TPH2: variants seen among roughly 807,000 people sequenced by gnomAD.
The protein encoded by TPH2 is tryptophan 5-hydroxylase 2.
A neutral mutation model predicts 59.1 loss-of-function variants in TPH2; 27 were observed. The observed-to-expected ratio is 0.46, with a 90% CI of 0.34 to 0.63. TPH2 has a LOEUF of 0.63. Among genes scored for constraint, TPH2 ranks in the 30% least tolerant of loss-of-function variants. The probability of loss-of-function intolerance (pLI) is 0.01; values close to 1 mark genes in which losing one functional copy is unlikely to be tolerated. For missense variants in TPH2, 523 were observed against 588.3 expected (o/e 0.89, Z 1.15); for synonymous variants, 220 against 210.5 (o/e 1.05, Z -0.39).
chr12:71,941,814 C>T (rs1871078115), intron 2 of TPH2, 81 bp downstream of exon 2: 2 of 1,414,040 alleles, frequency 1.4e-6, no homozygotes, highest in East Asian at 2.3e-5. Flanking sequence ...TGAAACATTA[C>T]TGAATCAATT....
chr12:72,017,290 A>G (rs1037345743), intron 8 of TPH2, among the ~76,000 whole-genome samples: 1 of 152,134 alleles, frequency 6.6e-6, no homozygotes, highest in South Asian at 2.1e-4. Context: ...CATTTTCCTA[A>G]GCACACTCAC....
At chr12:72,030,496 A>G (rs1225732544) in intron 9 of TPH2, among the ~76,000 whole-genome samples, 1 of 152,176 alleles carries the variant, frequency 6.6e-6, no homozygotes, top group Non-Finnish European at 1.5e-5. Flanking sequence ...ATAGTCATTC[A>G]TTGTTCCCTG....
intron 6 of TPH2, among the ~76,000 whole-genome samples, chr12:71,977,112 C>A (rs563345903): frequency 6.6e-6 from 1 of 152,100 alleles, no homozygotes; most frequent in South Asian, 2.1e-4. Flanking sequence ...GGTGCAGTGG[C>A]GTAAGCTCGG....
intron 5 of TPH2, among the ~76,000 whole-genome samples, chr12:71,970,348 C>T (rs148339368): frequency 2.1e-3 from 315 of 152,262 alleles, no homozygotes; most frequent in African/African-American, 7.4e-3. Flanking sequence ...CCCAAGACTG[C>T]GAGGCTGGAA....
intron 8 of TPH2, 76 bp from the exon 9 acceptor site, chr12:72,022,323 T>C (rs1426113666): frequency 1.0e-6 from 1 of 986,396 alleles, no homozygotes; most frequent in Non-Finnish European, 1.6e-6. Flanking sequence ...AGCCCACCAT[T>C]TTGTTTTGGG....
At chr12:71,941,319 G>A (rs1263324556) in intron 1 of TPH2, among the ~76,000 whole-genome samples, 4 of 152,072 alleles carry the variant, frequency 2.6e-5, no homozygotes, top group African/African-American at 9.7e-5. Flanking sequence ...TCAGGTTTTT[G>A]TTGCTATTAA....
intron 9 of TPH2, among the ~76,000 whole-genome samples, chr12:72,026,408 C>T (rs1453365847): frequency 6.6e-6 from 1 of 152,086 alleles, no homozygotes; most frequent in Non-Finnish European, 1.5e-5. Context: ...TGGCTATTCT[C>T]AGAATAGCTT....
At chr12:71,957,995 C>T (rs1482438231) in intron 5 of TPH2, among the ~76,000 whole-genome samples, 1 of 152,208 alleles carries the variant, frequency 6.6e-6, no homozygotes, top group East Asian at 1.9e-4. Flanking sequence ...TTAAACGTGT[C>T]ACTTGATTTT....
intron 8 of TPH2, among the ~76,000 whole-genome samples, chr12:72,008,032 C>T (rs751211369): frequency 9.9e-5 from 15 of 152,204 alleles, no homozygotes; most frequent in Middle Eastern, 3.4e-3. Context: ...AACACTAGTC[C>T]TACTTTTGGG....
At chr12:71,961,500 G>T in intron 5 of TPH2, 1 of 1,345,096 alleles carries the variant, frequency 7.4e-7, no homozygotes, top group Non-Finnish European at 9.8e-7. Flanking sequence ...CAAGGTGCAA[G>T]ATGTATCTGA....
Position 72,001,746 on chromosome 12 carries a change from T to C in TPH2, c.1068+7181T>C, listed in dbSNP as rs537660345. ...GTGAATCTCCAAAAGTGATAAAAAGTTATTTTTCTAAACTTACCATATCTC... is the reference window on the plus strand; with the variant it reads ...GTGAATCTCCAAAAGTGATAAAAAGCTATTTTTCTAAACTTACCATATCTC... On this transcript the variant is annotated intron_variant, in intron 8 of 10. Coordinates refer to ENST00000333850, the MANE Select transcript of TPH2 (RefSeq NM_173353.4). Among the ~76,000 whole-genome samples the C allele has an allele frequency of 2.6e-5, 4 of 152,332 alleles. No homozygotes were observed. In the East Asian group the frequency reaches 7.7e-4, roughly 29 times the overall value.
At chr12:72,008,423 C>G (rs1280754820) in intron 8 of TPH2, among the ~76,000 whole-genome samples, 1 of 152,156 alleles carries the variant, frequency 6.6e-6, no homozygotes, top group Non-Finnish European at 1.5e-5. Context: ...ACAGATAATG[C>G]TGTTCCTTAT....
At chr12:71,981,527 A>T (rs1332951706) in intron 7 of TPH2, among the ~76,000 whole-genome samples, 1 of 152,188 alleles carries the variant, frequency 6.6e-6, no homozygotes. Context: ...TCAGAGGTAT[A>T]GTACAAGAGG....
intron 9 of TPH2, among the ~76,000 whole-genome samples, chr12:72,027,862 T>C (rs1328093887): frequency 6.6e-6 from 1 of 152,202 alleles, no homozygotes; most frequent in African/African-American, 2.4e-5. Flanking sequence ...TGCTGTGTAC[T>C]TGCAGCCTGT....
At chr12:72,012,085 T>G (rs1191829544) in intron 8 of TPH2, among the ~76,000 whole-genome samples, 1 of 152,174 alleles carries the variant, frequency 6.6e-6, no homozygotes, top group Non-Finnish European at 1.5e-5. Context: ...GCTTATCTAT[T>G]TCCTCCCTCC....
At chr12:72,006,194 C>G (rs564766217) in intron 8 of TPH2, among the ~76,000 whole-genome samples, 10 of 152,192 alleles carry the variant, frequency 6.6e-5, no homozygotes, top group African/African-American at 2.4e-4. Context: ...CAGGCTCTGT[C>G]ACTTACTGGC....
chr12:71,938,923 G>T lies in TPH2; in HGVS notation c.-64G>T. The T allele has an allele frequency of 2.9e-6, 4 of 1,400,688 alleles. No individual in the cohort carries two copies. The highest frequency in any genetic ancestry group is 4.1e-4 in the Middle Eastern group (2 of 4,892). The allele number at this position is 1,400,688 out of a possible 1,614,324, so 86.8% of individuals were successfully genotyped here. A position where few individuals can be genotyped will look rare whatever the true frequency, so the allele number is the denominator to read the frequency against. ...CGCACGCCCCTTCCTCTCAATCTCC[G>T]CCAGCGCTGCTACTGCCCCTCTAGT... On this transcript the variant is annotated 5_prime_UTR_variant, in exon 1 of 11. Transcript: ENST00000333850.
intron 8 of TPH2, among the ~76,000 whole-genome samples, chr12:72,016,155 G>C (rs1161475273): frequency 6.6e-6 from 1 of 152,070 alleles, no homozygotes; most frequent in Non-Finnish European, 1.5e-5. Flanking sequence ...GAAATAATAA[G>C]TGCTCTATCT....
rs377512175 is a variant in TPH2, at chr12:71,989,951, T to C, written c.942-4488T>C. ...TTAGTGTCTGATATCAGCTCTTGGT[T>C]TTTTTTTTTTTTTTAAATAAAAAGG... On this transcript the variant is annotated intron_variant, in intron 7 of 10. Coordinates refer to ENST00000333850, the MANE Select transcript of TPH2 (RefSeq NM_173353.4). Among the ~76,000 whole-genome samples the C allele has an allele frequency of 5.8e-3, 828 of 141,740 alleles. 2 individuals carry two copies. Among genetic ancestry groups the C allele is most frequent in the Admixed American group, 9.4e-3 (135 of 14,312 alleles). The allele number at this position is 141,740 out of a possible 152,430, so 93.0% of individuals were successfully genotyped here.
Sources: gnomAD v4.1 joint callset for allele counts (sites outside exome capture counted in the v4.1 genomes callset) on GRCh38, gnomAD v4.1.1 for gene constraint, MANE v1.5 for transcripts, NCBI Gene and HGNC (gene_info 2026-07-23, HGNC 2026-07-21) for gene names.